GRIN2B: variants seen among roughly 807,000 people sequenced by gnomAD.
GRIN2B encodes glutamate ionotropic receptor NMDA type subunit 2B, also known as glutamate receptor ionotropic, NMDA 2B.
A neutral mutation model predicts 114.5 loss-of-function variants in GRIN2B; 5 were observed. That is an observed-to-expected ratio of 0.04 (90% CI 0.02 to 0.09). GRIN2B has a LOEUF of 0.09. GRIN2B is among the 10% of genes least tolerant of loss of function. The pLI is 1.00. For synonymous variants in GRIN2B, 787 were observed against 745.1 expected (o/e 1.06, Z -0.92); for missense variants, 1,108 against 1,943.5 (o/e 0.57, Z 8.08).
chr12:13,609,697 C>T (rs896516425), intron 9 of GRIN2B, among the ~76,000 whole-genome samples: 4 of 151,040 alleles, frequency 2.6e-5, no homozygotes, highest in African/African-American at 9.8e-5. Flanking sequence ...GGTGTGAACC[C>T]GGGAGGCGGA....
At chr12:13,886,970 C>T (rs888300) in intron 2 of GRIN2B, among the ~76,000 whole-genome samples, 4,919 of 152,192 alleles carry the variant, frequency 0.032, 288 homozygotes, top group African/African-American at 0.11. Flanking sequence ...ATTTAACAGA[C>T]GAATAAACTG....
At chr12:13,917,398 G>A (rs1313330581) in intron 2 of GRIN2B, among the ~76,000 whole-genome samples, 1 of 152,152 alleles carries the variant, frequency 6.6e-6, no homozygotes, top group East Asian at 1.9e-4. Flanking sequence ...GTGGGAGCTG[G>A]AGACCCTCTG....
At chr12:13,616,130 T>C (rs774711602) in intron 6 of GRIN2B, among the ~76,000 whole-genome samples, 2 of 152,210 alleles carry the variant, frequency 1.3e-5, no homozygotes, top group Non-Finnish European at 2.9e-5. Context: ...ATCTCAAGAT[T>C]CTGGGACATG....
intron 4 of GRIN2B, among the ~76,000 whole-genome samples, chr12:13,717,588 A>G (rs890919981): frequency 2.0e-5 from 3 of 151,938 alleles, no homozygotes; most frequent in Non-Finnish European, 4.4e-5. Context: ...CATTCAGTAA[A>G]TATTTGTTGA....
At chr12:13,735,306 A>T (rs939054262) in intron 4 of GRIN2B, among the ~76,000 whole-genome samples, 2 of 152,328 alleles carry the variant, frequency 1.3e-5, no homozygotes, top group African/African-American at 4.8e-5. Context: ...AAAAGTGCAG[A>T]CATGAAGGTG....
rs537379990 is a variant in GRIN2B, at chr12:13,633,713, A to G, written c.1126-17056T>C. Reference sequence around the variant, plus strand: ...TCTTAACTTATATCTTTCAATTGTCAACTCTTGATTATGTCTCATAATAGT... The same window carrying G: ...TCTTAACTTATATCTTTCAATTGTCGACTCTTGATTATGTCTCATAATAGT... On this transcript the variant is annotated intron_variant, in intron 5 of 13. Transcript: ENST00000609686. Among the ~76,000 whole-genome samples, 4 of 152,322 alleles carry G rather than the reference A, an allele frequency of 2.6e-5. No individual in the cohort carries two copies. In the East Asian group the frequency reaches 5.8e-4, roughly 22 times the overall value.
intron 4 of GRIN2B, among the ~76,000 whole-genome samples, chr12:13,721,401 C>T (rs879536165): frequency 1.3e-5 from 2 of 151,886 alleles, no homozygotes; most frequent in Non-Finnish European, 2.9e-5. Context: ...AACTGGGAGA[C>T]TCTTGCAGGA....
At chr12:13,886,381 G>A (rs1866157621) in intron 2 of GRIN2B, among the ~76,000 whole-genome samples, 1 of 152,150 alleles carries the variant, frequency 6.6e-6, no homozygotes, top group African/African-American at 2.4e-5. Flanking sequence ...GCTAGGGCTG[G>A]GTGCTTGACC....
intron 2 of GRIN2B, among the ~76,000 whole-genome samples, chr12:13,975,393 C>G (rs1863002436): frequency 6.6e-6 from 1 of 152,206 alleles, no homozygotes; most frequent in African/African-American, 2.4e-5. Context: ...CCACAGATAA[C>G]TCTGCATTTC....
rs1863103616 is a variant in GRIN2B at position 13,980,041 on chromosome 12, A to C, written c.-132T>G. 6.6e-6 allele frequency: 1 copy of C among 152,210 alleles called. No individual in the cohort carries two copies. The highest frequency in any genetic ancestry group is 1.5e-5 in the Non-Finnish European group (1 of 68,030). 9.4% of individuals were successfully genotyped at this position (152,210 alleles called of 1,614,324 possible). A position where few individuals can be genotyped will look rare whatever the true frequency, so the allele number is the denominator to read the frequency against. On this transcript the variant is annotated 5_prime_UTR_variant, in exon 2 of 14. Transcript: ENST00000609686. The stretch of plus-strand genomic sequence containing the variant: ...TCCACATAAGAAAGACGAAGGATAA[A>C]TGAACGGAAGATAATTTAAAATCCA...
At chr12:13,764,679 T>C (rs1412989102) in intron 3 of GRIN2B, among the ~76,000 whole-genome samples, 1 of 152,230 alleles carries the variant, frequency 6.6e-6, no homozygotes, top group East Asian at 1.9e-4. Context: ...ATTTTGAAAT[T>C]TGTTTACTTG....
chr12:13,933,439 A>G (rs1197152227), intron 2 of GRIN2B, among the ~76,000 whole-genome samples: 1 of 152,164 alleles, frequency 6.6e-6, no homozygotes, highest in African/African-American at 2.4e-5. Flanking sequence ...CTAGCTAATA[A>G]GCCATTGAAT....
chr12:13,954,825 A>AAAAAAAAAAAAAAAAAAAAAAAAAAC, intron 2 of GRIN2B, among the ~76,000 whole-genome samples: 1 of 148,066 alleles, frequency 6.8e-6, no homozygotes. Context: ...AAAAAAAAAA[A>AAAAAAAAAAAAAAAAAAAAAAAAAAC]AAAACTTTTT....
At chr12:13,860,014 A>G (rs1385111283) in intron 3 of GRIN2B, among the ~76,000 whole-genome samples, 1 of 152,216 alleles carries the variant, frequency 6.6e-6, no homozygotes, top group Non-Finnish European at 1.5e-5. Context: ...TTAGTGAAGA[A>G]GCGTAGGGTA....
chr12:13,628,421 C>T (rs1460725397), intron 5 of GRIN2B, among the ~76,000 whole-genome samples: 1 of 152,162 alleles, frequency 6.6e-6, no homozygotes, highest in Non-Finnish European at 1.5e-5. Context: ...TCTTCATGAT[C>T]CTTCTCTGAA....
At chr12:13,931,314 C>T (rs528279909) in intron 2 of GRIN2B, among the ~76,000 whole-genome samples, 1 of 152,172 alleles carries the variant, frequency 6.6e-6, no homozygotes, top group East Asian at 1.9e-4. Flanking sequence ...GATCTCTCAT[C>T]TTCCTCTGTC....
Position 13,933,717 on chromosome 12 carries a change from C to T in GRIN2B, c.-19+46211G>A, listed in dbSNP as rs114341823. On this transcript the variant is annotated intron_variant, in intron 2 of 13. Coordinates refer to ENST00000609686, the MANE Select transcript of GRIN2B (RefSeq NM_000834.5). ...AGTAAAGTAGAGGCCCATGGTGGAA[C>T]TAGATTGTAAGAACTGAAGGGATGG... Among the ~76,000 whole-genome samples the T allele has an allele frequency of 8.0e-3, 1,217 of 152,270 alleles. 14 individuals are homozygous for T. Among genetic ancestry groups the T allele is most frequent in the African/African-American group, 0.027 (1,123 of 41,540 alleles).
intron 4 of GRIN2B, among the ~76,000 whole-genome samples, chr12:13,731,983 C>T (rs535493572): frequency 1.3e-5 from 2 of 152,156 alleles, no homozygotes; most frequent in Non-Finnish European, 2.9e-5. Context: ...TTAATAGTAA[C>T]ACTCATTCAG....
At chr12:13,976,789 C>T (rs1426077970) in intron 2 of GRIN2B, among the ~76,000 whole-genome samples, 2 of 152,032 alleles carry the variant, frequency 1.3e-5, no homozygotes, top group Non-Finnish European at 2.9e-5. Context: ...AAAAAAAAAT[C>T]CTGCCCCCAG....
Sources: allele counts gnomAD v4.1 joint callset (sites outside exome capture counted in the v4.1 genomes callset), GRCh38; gene constraint gnomAD v4.1.1; transcripts MANE v1.5; gene names NCBI Gene and HGNC (gene_info 2026-07-23, HGNC 2026-07-21).